SV2C: variants seen among roughly 807,000 people sequenced by gnomAD.
SV2C encodes the protein synaptic vesicle glycoprotein 2C, also known as solute carrier family 22 member B3.
A neutral mutation model predicts 79.7 loss-of-function variants in SV2C; 49 were observed. That is an observed-to-expected ratio of 0.61 (90% CI 0.49 to 0.78). The LOEUF (loss-of-function observed/expected upper bound fraction) is 0.78, where lower values mean the gene tolerates loss of function less well. SV2C is among the 30% of genes least tolerant of loss of function. The pLI, the probability that SV2C is intolerant of heterozygous loss-of-function variation, is 0.00. For missense variants in SV2C, 833 were observed against 912.9 expected, an observed-to-expected ratio of 0.91 and a Z score of 1.13; for synonymous variants, 334 against 333.2, an observed-to-expected ratio of 1.00 and a Z score of -0.03.
At chr5:76,039,021 G>A in the SV2C span, among the ~76,000 whole-genome samples, 1 of 152,156 alleles carries the variant, frequency 6.6e-6, no homozygotes, top group Non-Finnish European at 1.5e-5. Context: ...TTTCTAAAAA[G>A]ATGCTGGCTA....
intron 5 of SV2C, 175 bp downstream of exon 5, chr5:76,285,470 G>T: frequency 1.1e-6 from 1 of 875,684 alleles, no homozygotes; most frequent in East Asian, 2.7e-5. Context: ...ATGTAAAAAA[G>T]CTGCCTCATG....
chr5:76,023,579 A>G, the SV2C span, among the ~76,000 whole-genome samples: 11 of 152,118 alleles, frequency 7.2e-5, no homozygotes, highest in African/African-American at 2.4e-4. Context: ...CCCTTCCCAA[A>G]GTAAGCAATG....
the SV2C span, among the ~76,000 whole-genome samples, chr5:75,893,792 A>G: frequency 6.6e-6 from 1 of 152,006 alleles, no homozygotes; most frequent in African/African-American, 2.4e-5. Context: ...GAGCCACCAA[A>G]TGTACTTTAC....
chr5:75,879,279 C>T, the SV2C span, among the ~76,000 whole-genome samples: 1 of 152,172 alleles, frequency 6.6e-6, no homozygotes, highest in Non-Finnish European at 1.5e-5. Flanking sequence ...CAACTGTCCC[C>T]TAAAGTCTCA....
rs1450745757 is a variant in SV2C at position 76,233,162 on chromosome 5, G to A, written c.913+23275G>A. ...CTTGAAGAGGTCCTTCACATCCCTTGTAAGTTGGATTCCTAGGTATTTTAT... is the reference window on the plus strand; with the variant it reads ...CTTGAAGAGGTCCTTCACATCCCTTATAAGTTGGATTCCTAGGTATTTTAT... On this transcript the variant is annotated intron_variant, in intron 4 of 12. Transcript: ENST00000502798. 5.1e-5 allele frequency among the ~76,000 whole-genome samples: 7 copies of A among 137,396 alleles called. 2 individuals carry two copies. The highest frequency in any genetic ancestry group is 2.4e-4 in the African/African-American group (7 of 29,212). The allele number at this position is 137,396 out of a possible 152,430, so 90.1% of individuals were successfully genotyped here.
the SV2C span, among the ~76,000 whole-genome samples, chr5:75,885,185 C>G: frequency 0.15 from 22,582 of 152,100 alleles, 2,427 homozygotes; most frequent in African/African-American, 0.31. Context: ...CTCCCATCCC[C>G]AAACCCTAAT....
At chr5:75,983,779 C>T in the SV2C span, among the ~76,000 whole-genome samples, 5 of 152,030 alleles carry the variant, frequency 3.3e-5, no homozygotes, top group Non-Finnish European at 7.4e-5. Flanking sequence ...CCTTCCCTGC[C>T]TCTGAGATTT....
chr5:76,262,451 GATCTTAGTTATTTCTT>G (rs2112459115), intron 4 of SV2C, among the ~76,000 whole-genome samples: 1 of 152,028 alleles, frequency 6.6e-6, no homozygotes, highest in Admixed American at 6.6e-5. Flanking sequence ...GTTTTCCTCT[GATCTTAGTTATTTCTT>G]ATCTTCTGCT....
chr5:76,315,184 A>T (rs1027746406), intron 12 of SV2C, among the ~76,000 whole-genome samples: 4 of 133,394 alleles, frequency 3.0e-5, no homozygotes, highest in Non-Finnish European at 6.4e-5. Context: ...GAACATGGCC[A>T]GGCGCACACA....
At chr5:75,883,666 A>G in the SV2C span, among the ~76,000 whole-genome samples, 105 of 122,084 alleles carry the variant, frequency 8.6e-4, no homozygotes, top group African/African-American at 3.3e-3. Context: ...GAAGGGGAAC[A>G]TCACACTCTG....
chr5:75,935,243 C>T, the SV2C span, among the ~76,000 whole-genome samples: 1 of 151,824 alleles, frequency 6.6e-6, no homozygotes, highest in Non-Finnish European at 1.5e-5. Flanking sequence ...CATTTTTCTC[C>T]CATTAGGCTG....
the SV2C span, among the ~76,000 whole-genome samples, chr5:75,922,743 T>A: frequency 6.6e-6 from 1 of 152,228 alleles, no homozygotes; most frequent in Non-Finnish European, 1.5e-5. Flanking sequence ...ACACTTCAGC[T>A]CTGTCTTCTC....
At chr5:75,994,875 G>A in the SV2C span, among the ~76,000 whole-genome samples, 1 of 152,110 alleles carries the variant, frequency 6.6e-6, no homozygotes, top group African/African-American at 2.4e-5. Context: ...GCCTGAGAAC[G>A]AGGGGGCCAT....
At chr5:75,901,377 G>C in the SV2C span, among the ~76,000 whole-genome samples, 1 of 152,188 alleles carries the variant, frequency 6.6e-6, no homozygotes, top group South Asian at 2.1e-4. Context: ...CTGGGTATCA[G>C]CAGTGGTGGC....
the SV2C span, among the ~76,000 whole-genome samples, chr5:75,904,741 A>G: frequency 6.6e-6 from 1 of 152,258 alleles, no homozygotes; most frequent in South Asian, 2.1e-4. Flanking sequence ...AAACGTAGAC[A>G]TAGGCAGCAC....
At chr5:75,972,860 A>C in the SV2C span, among the ~76,000 whole-genome samples, 9 of 152,134 alleles carry the variant, frequency 5.9e-5, no homozygotes, top group Non-Finnish European at 2.9e-5. Context: ...TCATGCTGCT[A>C]TAAAGACACA....
chr5:76,126,431 A>T (rs535896615), intron 1 of SV2C, among the ~76,000 whole-genome samples: 5 of 152,220 alleles, frequency 3.3e-5, no homozygotes, highest in Admixed American at 3.3e-4. Flanking sequence ...CCATTTCTTC[A>T]TCTCAAAGAT....
chr5:75,891,598 T>C, the SV2C span, among the ~76,000 whole-genome samples: 2 of 152,164 alleles, frequency 1.3e-5, no homozygotes, highest in Non-Finnish European at 2.9e-5. Context: ...CAAAAATGTT[T>C]TCATCGTTTC....
intron 4 of SV2C, chr5:76,281,396 G>GA (rs1747190064): frequency 2.6e-5 from 5 of 191,788 alleles, no homozygotes; most frequent in South Asian, 1.5e-4. Context: ...GTTATGCAAA[G>GA]TAAAAAAAAA....
Sources: gnomAD v4.1 joint callset for allele counts (sites outside exome capture counted in the v4.1 genomes callset) on GRCh38, gnomAD v4.1.1 for gene constraint, MANE v1.5 for transcripts, NCBI Gene and HGNC (gene_info 2026-07-23, HGNC 2026-07-21) for gene names.